The following GRID1 variants were observed in gnomAD, a reference collection of about 807,000 sequenced individuals.
GRID1 encodes glutamate ionotropic receptor delta type subunit 1.
GRID1 carries 28 observed loss-of-function variants against 98.0 expected under a neutral mutation model. The ratio of observed to expected loss-of-function variants is 0.29; its 90% CI spans 0.21 to 0.39. GRID1 has a LOEUF of 0.39. Among genes scored for constraint, GRID1 ranks in the 10% least tolerant of loss-of-function variants. GRID1 has a pLI of 1.00. For synonymous variants in GRID1, 553 were observed against 538.5 expected, an observed-to-expected ratio of 1.03 and a Z score of -0.37; for missense variants, 1,111 against 1,340.5, an observed-to-expected ratio of 0.83 and a Z score of 2.67.
intron 5 of GRID1, 110 bp from the exon 6 acceptor site, chr10:85,869,290 G>T: frequency 1.1e-6 from 1 of 892,800 alleles, no homozygotes; most frequent in Non-Finnish European, 1.8e-6. Flanking sequence ...GCCAAAGAGG[G>T]CAAGGGATTG....
chr10:85,620,101 C>T, intron 13 of GRID1, 68 bp from the exon 14 acceptor site: 3 of 1,353,868 alleles, frequency 2.2e-6, no homozygotes, highest in Non-Finnish European at 3.1e-6. Flanking sequence ...ATTGGTGAGC[C>T]ATCTTGATGG....
intron 4 of GRID1, among the ~76,000 whole-genome samples, chr10:86,005,056 T>C (rs1842844852): frequency 6.6e-6 from 1 of 152,170 alleles, no homozygotes. Context: ...AAATTCTATA[T>C]CTTTTCTCCC....
chr10:85,947,921 G>A (rs899644246), intron 4 of GRID1, among the ~76,000 whole-genome samples: 5 of 152,190 alleles, frequency 3.3e-5, no homozygotes, highest in African/African-American at 1.2e-4. Flanking sequence ...AACACTGCAG[G>A]TGATAAGCAA....
intron 8 of GRID1, among the ~76,000 whole-genome samples, chr10:85,838,214 T>C (rs1193628290): frequency 6.6e-6 from 1 of 152,102 alleles, no homozygotes; most frequent in Non-Finnish European, 1.5e-5. Context: ...ATGCAGAGAA[T>C]GGAACCAACT....
At chr10:85,967,889 C>T (rs1842357939) in intron 4 of GRID1, among the ~76,000 whole-genome samples, 1 of 152,086 alleles carries the variant, frequency 6.6e-6, no homozygotes, top group South Asian at 2.1e-4. Flanking sequence ...AAGTAAAAGA[C>T]CGTCAGTCAA....
rs887296987 is a variant in GRID1 at position 85,826,124 on chromosome 10, C to T, written c.1233+28372G>A. Reference sequence around the variant, plus strand: ...GGTGGATCACCTGAGGTCGGGTGTTCCAGACCAGCCTGACCAACATGGAGA... The same window carrying T: ...GGTGGATCACCTGAGGTCGGGTGTTTCAGACCAGCCTGACCAACATGGAGA... On this transcript the variant is annotated intron_variant, in intron 8 of 15. Coordinates refer to ENST00000327946, the MANE Select transcript of GRID1 (RefSeq NM_017551.3). 3.9e-5 allele frequency among the ~76,000 whole-genome samples: 6 copies of T among 152,072 alleles called. No individual in the cohort carries two copies. The South Asian group carries it at 1.2e-3, about 32-fold the overall frequency.
At position 86,332,841 on chromosome 10, in the gene GRID1, T is replaced by A. The variant is rs114490334; in HGVS notation, c.235+31100A>T. Among the ~76,000 whole-genome samples, 1,301 of 152,056 alleles carry A rather than the reference T, an allele frequency of 8.6e-3. 20 individuals are homozygous for A. Among genetic ancestry groups the A allele is most frequent in the Middle Eastern group, 0.044 (13 of 294 alleles). On this transcript the variant is annotated intron_variant, in intron 2 of 15. Transcript: ENST00000327946. ...AGCGTAGACGTGACCTTCACCCTGA[T>A]CTTCCCCTTCCCTCACTCCAATACC...
At chr10:86,264,758 T>TGCGG (rs1847077916) in intron 2 of GRID1, 1 of 495,078 alleles carries the variant, frequency 2.0e-6, no homozygotes, top group South Asian at 1.5e-5. Flanking sequence ...GAGGCAGGCA[T>TGCGG]GCGGGCAGAC....
intron 12 of GRID1, among the ~76,000 whole-genome samples, chr10:85,648,790 G>A (rs754807491): frequency 1.7e-4 from 26 of 152,246 alleles, no homozygotes; most frequent in Admixed American, 2.6e-4. Context: ...GGAGCCATCC[G>A]CACCCCAGCC....
intron 8 of GRID1, among the ~76,000 whole-genome samples, chr10:85,820,019 AAGGAAGGAAGGCAGGCAGGCAGGC>A (rs1480587367): frequency 3.7e-4 from 42 of 112,826 alleles, no homozygotes; most frequent in African/African-American, 1.9e-3. Flanking sequence ...GGAAGGAAGG[AAGGAAGGAAGGCAGGCAGGCAGGC>A]AGGCAGGCAG....
rs1446471205 is a variant in GRID1, at chr10:85,641,370, C to G, written c.2193+5832G>C. ...AAGATAAAGTCACAGACTTCAATAA[C>G]CTTTGCTATGACACATGGAAGGAGC... is the stretch of plus-strand genomic sequence containing the variant. On this transcript the variant is annotated intron_variant, in intron 13 of 15. Transcript: ENST00000327946. 3.9e-5 allele frequency among the ~76,000 whole-genome samples: 6 copies of G among 152,292 alleles called. No homozygotes were observed. The South Asian group carries it at 6.2e-4, about 16-fold the overall frequency.
chr10:85,617,233 C>A lies in GRID1; in HGVS notation c.2360+2634G>T, dbSNP rs376769903. 6.0e-3 allele frequency among the ~76,000 whole-genome samples: 861 copies of A among 143,576 alleles called. 5 individuals are homozygous for A. Among genetic ancestry groups the A allele is most frequent in the South Asian group, 0.017 (66 of 3,936 alleles). 94.2% of individuals were successfully genotyped at this position (143,576 alleles called of 152,430 possible). A position where few individuals can be genotyped will look rare whatever the true frequency, so the allele number is the denominator to read the frequency against. ...ATGCACCATACAACAAAGCCCCCCC[C>A]CCCTTTTATTTTTTTTGAGAACAGG... is the stretch of plus-strand genomic sequence containing the variant. On this transcript the variant is annotated intron_variant, in intron 14 of 15. Coordinates refer to ENST00000327946, the MANE Select transcript of GRID1 (RefSeq NM_017551.3).
intron 12 of GRID1, among the ~76,000 whole-genome samples, chr10:85,677,721 G>A (rs537463431): frequency 1.6e-4 from 25 of 152,274 alleles, no homozygotes; most frequent in African/African-American, 5.5e-4. Context: ...AAGTTTGACC[G>A]GAGTCTCCCC....
At chr10:86,083,274 G>A (rs963657191) in intron 4 of GRID1, among the ~76,000 whole-genome samples, 14 of 152,198 alleles carry the variant, frequency 9.2e-5, no homozygotes, top group African/African-American at 2.2e-4. Flanking sequence ...CTCTCGTAGC[G>A]GTTGAGGACT....
chr10:85,885,876 A>C (rs1339847150), intron 5 of GRID1, among the ~76,000 whole-genome samples: 1 of 152,270 alleles, frequency 6.6e-6, no homozygotes, highest in African/African-American at 2.4e-5. Context: ...ATATAATAAA[A>C]ACTTAGATGA....
chr10:85,965,026 AT>A (rs1158783573), intron 4 of GRID1, among the ~76,000 whole-genome samples: 1 of 152,230 alleles, frequency 6.6e-6, no homozygotes, highest in Non-Finnish European at 1.5e-5. Flanking sequence ...GCCAACAAAC[AT>A]ATGAAAAAAA....
chr10:86,070,374 G>C (rs970081404), intron 4 of GRID1, among the ~76,000 whole-genome samples: 2 of 152,162 alleles, frequency 1.3e-5, no homozygotes, highest in African/African-American at 4.8e-5. Context: ...ATCTCTACCA[G>C]AGAGTGTCTT....
At chr10:85,735,844 G>A (rs1841874747) in intron 8 of GRID1, among the ~76,000 whole-genome samples, 1 of 148,408 alleles carries the variant, frequency 6.7e-6, no homozygotes, top group South Asian at 2.2e-4. Flanking sequence ...AAAGAAGGAA[G>A]GGAGGAAGGA....
intron 3 of GRID1, among the ~76,000 whole-genome samples, chr10:86,148,819 C>A (rs1845121867): frequency 6.6e-6 from 1 of 152,170 alleles, no homozygotes; most frequent in African/African-American, 2.4e-5. Flanking sequence ...GAAGCAGCCC[C>A]ACTGCCCTGC....
Sources: allele counts gnomAD v4.1 joint callset (sites outside exome capture counted in the v4.1 genomes callset), GRCh38; gene constraint gnomAD v4.1.1; transcripts MANE v1.5; gene names NCBI Gene and HGNC (gene_info 2026-07-23, HGNC 2026-07-21).